CAST: variants seen among roughly 807,000 people sequenced by gnomAD.
CAST encodes the protein MIR583 host.
In CAST, 76 loss-of-function variants were observed where a neutral mutation model predicts 119.6. That is an observed-to-expected ratio of 0.64 (90% CI 0.53 to 0.77). CAST has a LOEUF of 0.77. Ranked by LOEUF, CAST falls within the 30% of genes least tolerant of loss-of-function variation. The pLI is 0.00. For missense variants in CAST, 953 were observed against 946.5 expected (o/e 1.01, Z -0.09); for synonymous variants, 319 against 331.6 (o/e 0.96, Z 0.41).
chr5:95,993,935 A>C, the CAST span, among the ~76,000 whole-genome samples: 131 of 152,226 alleles, frequency 8.6e-4, no homozygotes, highest in African/African-American at 2.9e-3. Context: ...AATTAAATTA[A>C]TTTAAATTTA....
the CAST span, among the ~76,000 whole-genome samples, chr5:96,286,596 C>T: frequency 6.6e-6 from 1 of 152,048 alleles, no homozygotes; most frequent in Non-Finnish European, 1.5e-5. Flanking sequence ...TTAAGAAATC[C>T]AGGAATTTTT....
chr5:96,633,436 T>C (rs1281767284), intron 1 of CAST, among the ~76,000 whole-genome samples: 1 of 152,264 alleles, frequency 6.6e-6, no homozygotes, highest in East Asian at 1.9e-4. Context: ...TTTTGTTAAA[T>C]ATTTTTTCTA....
At chr5:96,543,931 T>C (rs183002351) in intron 1 of CAST, among the ~76,000 whole-genome samples, 54 of 152,346 alleles carry the variant, frequency 3.5e-4, no homozygotes, top group African/African-American at 1.2e-3. Context: ...TCTATTCTTT[T>C]GCCAGTACCC....
chr5:96,084,797 C>T, the CAST span, among the ~76,000 whole-genome samples: 4 of 152,288 alleles, frequency 2.6e-5, no homozygotes, highest in Non-Finnish European at 4.4e-5. Flanking sequence ...ATCTCCAGCC[C>T]TTGGCTAGAG....
the CAST span, among the ~76,000 whole-genome samples, chr5:96,027,345 T>C: frequency 6.6e-6 from 1 of 152,232 alleles, no homozygotes; most frequent in East Asian, 1.9e-4. Context: ...AAAATAAAAA[T>C]AAAGATTTCA....
chr5:95,965,124 G>A, the CAST span: 2 of 152,260 alleles, frequency 1.3e-5, no homozygotes, highest in African/African-American at 4.8e-5. Flanking sequence ...ATGTCATAGG[G>A]ACTGAAGATG....
intron 1 of CAST, among the ~76,000 whole-genome samples, chr5:96,638,393 G>T (rs1050808523): frequency 4.6e-5 from 7 of 152,104 alleles, no homozygotes; most frequent in Non-Finnish European, 8.8e-5. Context: ...GCAACAGAGC[G>T]AGACTCCATC....
chr5:96,678,516 T>G (rs1750963175), intron 2 of CAST, among the ~76,000 whole-genome samples: 1 of 152,030 alleles, frequency 6.6e-6, no homozygotes, highest in Non-Finnish European at 1.5e-5. Flanking sequence ...TTGATGAGGG[T>G]TAGGTGAGAA....
chr5:96,149,313 T>C, the CAST span, among the ~76,000 whole-genome samples: 330 of 152,348 alleles, frequency 2.2e-3, 2 homozygotes, highest in African/African-American at 7.7e-3. Flanking sequence ...CAGTGCCTTA[T>C]TGATGGATGG....
chr5:96,723,060 G>A (rs1426016340), intron 4 of CAST, among the ~76,000 whole-genome samples: 2 of 151,922 alleles, frequency 1.3e-5, no homozygotes, highest in African/African-American at 2.4e-5. Flanking sequence ...CTCCCATCTC[G>A]GCCTCTTGAG....
the CAST span, among the ~76,000 whole-genome samples, chr5:96,382,614 A>G: frequency 6.6e-6 from 1 of 152,242 alleles, no homozygotes; most frequent in African/African-American, 2.4e-5. Context: ...AGTGCCCATG[A>G]GAGCAGAGGG....
At chr5:96,771,884 TGA>T (rs1772505891) in intron 31 of CAST, 182 bp downstream of exon 31, 2 of 434,470 alleles carry the variant, frequency 4.6e-6, no homozygotes, top group East Asian at 3.5e-5. Context: ...CTAAATGGGA[TGA>T]GTTTGCTATT....
At chr5:95,992,429 C>G in the CAST span, among the ~76,000 whole-genome samples, 1 of 150,440 alleles carries the variant, frequency 6.6e-6, no homozygotes, top group African/African-American at 2.5e-5. Context: ...TCCTTGAAAA[C>G]CCATGGGCCT....
At chr5:96,708,609 G>T (rs2150347850) in intron 3 of CAST, among the ~76,000 whole-genome samples, 1 of 152,168 alleles carries the variant, frequency 6.6e-6, no homozygotes, top group East Asian at 1.9e-4. Flanking sequence ...TCCTACCTCA[G>T]CCTCCCAAGT....
chr5:96,376,425 A>C, the CAST span, among the ~76,000 whole-genome samples: 1 of 151,910 alleles, frequency 6.6e-6, no homozygotes, highest in African/African-American at 2.4e-5. Context: ...GTACTTTAAA[A>C]AAATTATTTC....
chr5:96,742,318 G>T (rs1296030680), intron 15 of CAST: 2 of 179,460 alleles, frequency 1.1e-5, no homozygotes, highest in African/African-American at 4.7e-5. Flanking sequence ...AAATAGTGTG[G>T]TAACAGTTTA....
At chr5:96,301,379 CT>C in the CAST span, among the ~76,000 whole-genome samples, 5 of 152,232 alleles carry the variant, frequency 3.3e-5, no homozygotes, top group East Asian at 1.9e-4. Context: ...TATCCTGCCC[CT>C]GGCCCCTCCC....
the CAST span, among the ~76,000 whole-genome samples, chr5:96,041,805 A>G: frequency 6.6e-6 from 1 of 152,122 alleles, no homozygotes; most frequent in Non-Finnish European, 1.5e-5. Flanking sequence ...GGGACGATCT[A>G]CAATAGTACC....
At chr5:96,228,880 T>C in the CAST span, among the ~76,000 whole-genome samples, 1 of 152,104 alleles carries the variant, frequency 6.6e-6, no homozygotes, top group African/African-American at 2.4e-5. Flanking sequence ...ATAAAATATA[T>C]AGGTAATAAT....
Sources: gnomAD v4.1 joint callset for allele counts (sites outside exome capture counted in the v4.1 genomes callset) on GRCh38, gnomAD v4.1.1 for gene constraint, MANE v1.5 for transcripts, NCBI Gene and HGNC (gene_info 2026-07-23, HGNC 2026-07-21) for gene names.